The following CCDC85A variants were observed in gnomAD, a reference collection of about 807,000 sequenced individuals.
The protein encoded by CCDC85A is coiled-coil domain-containing protein 85A.
CCDC85A carries 38 observed loss-of-function variants against 50.2 expected under a neutral mutation model. The observed-to-expected ratio is 0.76, with a 90% CI of 0.58 to 0.99. The LOEUF (loss-of-function observed/expected upper bound fraction) is 0.99. CCDC85A is among the 50% of genes least tolerant of loss of function. The pLI, the probability that CCDC85A is intolerant of heterozygous loss-of-function variation, is 0.00. For synonymous variants in CCDC85A, 366 were observed against 301.4 expected (o/e 1.21, Z -2.22); for missense variants, 820 against 742.0 (o/e 1.11, Z -1.22).
intron 2 of CCDC85A, among the ~76,000 whole-genome samples, chr2:56,242,856 A>T (rs1669326357): frequency 6.6e-6 from 1 of 151,970 alleles, no homozygotes; most frequent in African/African-American, 2.4e-5. Flanking sequence ...TGGCCTGGAG[A>T]ATTCCTTCAA....
At chr2:56,256,292 C>G (rs1054985115) in intron 2 of CCDC85A, among the ~76,000 whole-genome samples, 1 of 152,146 alleles carries the variant, frequency 6.6e-6, no homozygotes, top group East Asian at 1.9e-4. Flanking sequence ...TTGGAATTGA[C>G]TACACATCTT....
chr2:56,334,449 A>G (rs771516205), intron 2 of CCDC85A, among the ~76,000 whole-genome samples: 14 of 152,222 alleles, frequency 9.2e-5, no homozygotes, highest in Non-Finnish European at 1.8e-4. Flanking sequence ...TGAAAACAAC[A>G]CTATGAGAAA....
At chr2:56,190,354 T>C (rs894608276) in intron 1 of CCDC85A, among the ~76,000 whole-genome samples, 1 of 152,198 alleles carries the variant, frequency 6.6e-6, no homozygotes, top group African/African-American at 2.4e-5. Context: ...AGGTGGGAAC[T>C]CTACTAGTCA....
intron 2 of CCDC85A, among the ~76,000 whole-genome samples, chr2:56,289,850 C>T (rs1193753715): frequency 6.7e-6 from 1 of 150,354 alleles, no homozygotes; most frequent in East Asian, 1.9e-4. Flanking sequence ...CTTATAAGAA[C>T]ACGCTGGCAG....
In CCDC85A at chr2:56,201,079, CACACACACACACACA is replaced by C. The variant is rs1288670484; in HGVS notation, c.1240+7640_1240+7654del. Among the ~76,000 whole-genome samples, 201 of 137,986 alleles carry C rather than the reference CACACACACACACACA, an allele frequency of 1.5e-3. 5 individuals carry two copies. Among genetic ancestry groups the C allele is most frequent in the African/African-American group, 5.0e-3 (182 of 36,104 alleles). 90.5% of individuals were successfully genotyped at this position (137,986 alleles called of 152,430 possible). On this transcript the variant is annotated intron_variant, in intron 2 of 5. Transcript: ENST00000407595. The stretch of plus-strand genomic sequence containing the variant: ...ATTTCAATTATTTCATCTCTCTCCA[CACACACACACACACA>C]CACACACACACACACACACACACAC...
At chr2:56,264,934 A>C (rs1670372643) in intron 2 of CCDC85A, among the ~76,000 whole-genome samples, 1 of 152,170 alleles carries the variant, frequency 6.6e-6, no homozygotes, top group South Asian at 2.1e-4. Flanking sequence ...ACTTTATGTA[A>C]TTCAGGTCTC....
chr2:56,250,724 C>A (rs1321714173), intron 2 of CCDC85A, among the ~76,000 whole-genome samples: 1 of 152,156 alleles, frequency 6.6e-6, no homozygotes, highest in African/African-American at 2.4e-5. Flanking sequence ...ACCACTCCCC[C>A]AAATTGAGGT....
rs1018185818 is a variant in CCDC85A at position 56,375,862 on chromosome 2, C to T, written c.1499C>T (p.Pro500Leu). Residue 500 changes from proline (P) to leucine (L), a missense_variant, in exon 5 of 6, where the codon CCC becomes CTC. Transcript: ENST00000407595. ...GGGGCTGATGGGAGTAACAGTTCAC[C>T]CAACTCTGCAGCTAGCTTCAGTGGA... ...SSGADGSNSS[P>L]NSAASFSGHA... is the part of the protein sequence containing the mutation. 1.2e-6 allele frequency: 2 copies of T among 1,613,686 alleles called. No individual in the cohort carries two copies. Among genetic ancestry groups the T allele is most frequent in the Non-Finnish European group, 1.7e-6 (2 of 1,179,764 alleles).
intron 2 of CCDC85A, among the ~76,000 whole-genome samples, chr2:56,288,688 A>G (rs961655978): frequency 6.7e-6 from 1 of 148,858 alleles, no homozygotes; most frequent in Non-Finnish European, 1.5e-5. Context: ...TCTTCCCACC[A>G]TGCCCCCCCC....
chr2:56,310,093 C>T (rs886748630), intron 2 of CCDC85A, among the ~76,000 whole-genome samples: 7 of 152,146 alleles, frequency 4.6e-5, no homozygotes, highest in African/African-American at 1.2e-4. Context: ...CTCCAGGTCT[C>T]GTCCAACTTG....
chr2:56,337,438 C>G (rs1474178556), intron 2 of CCDC85A, among the ~76,000 whole-genome samples: 2 of 152,186 alleles, frequency 1.3e-5, no homozygotes, highest in Admixed American at 1.3e-4. Context: ...TTGATATTTG[C>G]TTTTCCAGAT....
At chr2:56,348,352 C>T (rs1282009493) in intron 3 of CCDC85A, among the ~76,000 whole-genome samples, 1 of 152,168 alleles carries the variant, frequency 6.6e-6, no homozygotes, top group Non-Finnish European at 1.5e-5. Context: ...CTGTCATATA[C>T]CTGCACATGG....
At chr2:56,319,629 G>A (rs1673076102) in intron 2 of CCDC85A, among the ~76,000 whole-genome samples, 2 of 152,112 alleles carry the variant, frequency 1.3e-5, no homozygotes, top group South Asian at 4.1e-4. Flanking sequence ...CTGAATGTAT[G>A]AGGAATTGAT....
At chr2:56,202,167 A>G (rs79651209) in intron 2 of CCDC85A, among the ~76,000 whole-genome samples, 2 of 152,324 alleles carry the variant, frequency 1.3e-5, no homozygotes, top group African/African-American at 2.4e-5. Flanking sequence ...GTGAGATAAG[A>G]TAAGTATCAC....
intron 3 of CCDC85A, among the ~76,000 whole-genome samples, chr2:56,370,244 T>G (rs1045706328): frequency 3.3e-5 from 5 of 152,148 alleles, no homozygotes; most frequent in Admixed American, 1.3e-4. Context: ...ACTGAAGGCT[T>G]CTTACGTTTT....
At chr2:56,205,934 C>T (rs1676940651) in intron 2 of CCDC85A, among the ~76,000 whole-genome samples, 1 of 151,996 alleles carries the variant, frequency 6.6e-6, no homozygotes, top group South Asian at 2.1e-4. Flanking sequence ...CTGCCGTTGT[C>T]AGGGATGGCT....
intron 3 of CCDC85A, among the ~76,000 whole-genome samples, chr2:56,357,942 A>G (rs1675319892): frequency 6.6e-6 from 1 of 152,168 alleles, no homozygotes; most frequent in Non-Finnish European, 1.5e-5. Flanking sequence ...CATTGAATCC[A>G]TCTTGATGAT....
chr2:56,313,379 A>G (rs1672781232), intron 2 of CCDC85A, among the ~76,000 whole-genome samples: 2 of 152,198 alleles, frequency 1.3e-5, no homozygotes, highest in African/African-American at 4.8e-5. Context: ...GGCACATTGT[A>G]GGCCTTCAGT....
chr2:56,324,557 T>C (rs1271131248), intron 2 of CCDC85A, among the ~76,000 whole-genome samples: 1 of 152,144 alleles, frequency 6.6e-6, no homozygotes, highest in Non-Finnish European at 1.5e-5. Context: ...TAATTATTAT[T>C]ATTTTTAATT....
Sources: gnomAD v4.1 joint callset for allele counts (sites outside exome capture counted in the v4.1 genomes callset) on GRCh38, gnomAD v4.1.1 for gene constraint, MANE v1.5 for transcripts, NCBI Gene and HGNC (gene_info 2026-07-23, HGNC 2026-07-21) for gene names.